Variants in VIT observed in about 807,000 individuals in gnomAD.
VIT encodes the protein vitrin.
VIT carries 99 observed loss-of-function variants against 78.0 expected under a neutral mutation model. That is an observed-to-expected ratio of 1.27 (90% confidence interval 1.08 to 1.50). The LOEUF is 1.50. VIT is among the 40% of genes most tolerant of loss of function. The probability of loss-of-function intolerance (pLI) is 0.00; values close to 1 mark genes in which losing one functional copy is unlikely to be tolerated. For missense variants in VIT, 1,126 were observed against 875.3 expected (o/e 1.29, Z -3.61); for synonymous variants, 374 against 334.3 (o/e 1.12, Z -1.29).
At chr2:36,708,116 C>T (rs980406193) in intron 1 of VIT, among the ~76,000 whole-genome samples, 4 of 150,554 alleles carry the variant, frequency 2.7e-5, no homozygotes, top group East Asian at 2.0e-4. Context: ...GACCTCCCCC[C>T]CCCGCCCACC....
chr2:36,808,991 C>T lies in VIT; in HGVS notation c.1903+6C>T, dbSNP rs1202296564. The T allele has an allele frequency of 6.4e-7, 1 of 1,566,864 alleles. No homozygotes were observed. The highest frequency in any genetic ancestry group is 8.7e-7 in the Non-Finnish European group (1 of 1,152,424). On this transcript the variant is annotated splice_donor_region_variant and intron_variant, in intron 15 of 15. Coordinates refer to ENST00000379242, the MANE Select transcript of VIT (RefSeq NM_053276.4). The stretch of plus-strand genomic sequence containing the variant: ...CATGGCTGCCCATCTGAAGGGTAAG[C>T]TGGGCTTGCCAAGCAGCCTGGTGCT...
At chr2:36,734,244 C>G (rs1667374437) in intron 3 of VIT, among the ~76,000 whole-genome samples, 1 of 152,218 alleles carries the variant, frequency 6.6e-6, no homozygotes, top group East Asian at 1.9e-4. Context: ...GAAATCATTT[C>G]AGGTAGGTTC....
chr2:36,763,583 C>CTT (rs70946947), intron 6 of VIT, among the ~76,000 whole-genome samples: 3 of 60,418 alleles, frequency 5.0e-5, no homozygotes, highest in African/African-American at 2.0e-4. Context: ...TCTATCTTCC[C>CTT]TTTTTTTTTT....
chr2:36,742,493 TATC>T (rs1203417778), intron 3 of VIT, among the ~76,000 whole-genome samples: 3 of 152,088 alleles, frequency 2.0e-5, no homozygotes, highest in Non-Finnish European at 4.4e-5. Flanking sequence ...CAAGACAAAA[TATC>T]ATGTTTTTGA....
chr2:36,771,550 GA>G (rs34430618), intron 7 of VIT, among the ~76,000 whole-genome samples: 5,170 of 131,956 alleles, frequency 0.039, 97 homozygotes, highest in Non-Finnish European at 0.058. Flanking sequence ...AAAAGAAAAA[GA>G]AAAAAAAAAA....
chr2:36,762,873 T>C (rs999287329), intron 6 of VIT, among the ~76,000 whole-genome samples: 11 of 152,042 alleles, frequency 7.2e-5, no homozygotes, highest in African/African-American at 2.7e-4. Flanking sequence ...AGAACAGGCG[T>C]TCCCTGAGGT....
intron 4 of VIT, among the ~76,000 whole-genome samples, chr2:36,750,520 G>A (rs1668392488): frequency 6.6e-6 from 1 of 152,144 alleles, no homozygotes; most frequent in South Asian, 2.1e-4. Flanking sequence ...CACCAAAGAT[G>A]ACATTAAAAT....
intron 11 of VIT, 146 bp downstream of exon 11, chr2:36,783,548 G>GA: frequency 1.3e-6 from 1 of 767,416 alleles, no homozygotes; most frequent in Non-Finnish European, 2.1e-6. Flanking sequence ...GTTCTAAGGG[G>GA]AAAGGGAAGC....
intron 7 of VIT, among the ~76,000 whole-genome samples, chr2:36,770,841 T>A (rs1280482307): frequency 6.6e-6 from 1 of 152,176 alleles, no homozygotes; most frequent in African/African-American, 2.4e-5. Context: ...TGAGCTAGCA[T>A]TGAACTTGTC....
intron 11 of VIT, among the ~76,000 whole-genome samples, chr2:36,785,343 C>T (rs1233968700): frequency 6.6e-6 from 1 of 152,024 alleles, no homozygotes; most frequent in Non-Finnish European, 1.5e-5. Context: ...TAGTAGGCGG[C>T]AAACCCTGAA....
At chr2:36,700,853 A>G (rs1351101383) in intron 1 of VIT, among the ~76,000 whole-genome samples, 2 of 152,100 alleles carry the variant, frequency 1.3e-5, no homozygotes, top group Non-Finnish European at 2.9e-5. Context: ...CAGCAAACAT[A>G]TGAGGTGGGC....
chr2:36,758,436 T>C (rs2072528), intron 5 of VIT, among the ~76,000 whole-genome samples: 93,909 of 152,060 alleles, frequency 0.62, 29,116 homozygotes, highest in African/African-American at 0.67. Context: ...ACCATTCCTC[T>C]TCCTTGCCTG....
rs1191160962 is a variant in VIT, at chr2:36,759,006, T to A, written c.447T>A (p.Ala149=). 1.2e-6 allele frequency: 2 copies of A among 1,613,994 alleles called. No homozygotes were observed. Among genetic ancestry groups the A allele is most frequent in the Non-Finnish European group, 1.7e-6 (2 of 1,180,034 alleles). Reference sequence around the variant, plus strand: ...AAAAGGGTGTAACCTACCCATCAGCTCTTACATACTCATCATCGAAAAGTC... The same window carrying A: ...AAAAGGGTGTAACCTACCCATCAGCACTTACATACTCATCATCGAAAAGTC... The part of the protein sequence containing the change: ...KPKKGVTYPS[A]LTYSSSKSPA... The change falls in exon 6 of 16, where the codon GCT becomes GCA. Residue 149 remains alanine, a synonymous_variant. Transcript: ENST00000379242.
chr2:36,811,666 C>CTTTT (rs1667180573), intron 15 of VIT, among the ~76,000 whole-genome samples: 1 of 149,982 alleles, frequency 6.7e-6, no homozygotes, highest in African/African-American at 2.5e-5. Context: ...TTTTTTCTTT[C>CTTTT]TTTCTTTTTT....
chr2:36,744,136 A>C (rs1489556914), intron 4 of VIT, among the ~76,000 whole-genome samples: 3 of 152,148 alleles, frequency 2.0e-5, no homozygotes, highest in Non-Finnish European at 4.4e-5. Flanking sequence ...AAAGGACAAA[A>C]TTTGCTCTTT....
chr2:36,795,193 C>A (rs1665785486), intron 12 of VIT, among the ~76,000 whole-genome samples: 1 of 152,030 alleles, frequency 6.6e-6, no homozygotes, highest in Admixed American at 6.6e-5. Context: ...TTTGCCTACT[C>A]CTTAAAGTTT....
At chr2:36,708,146 C>T (rs1665563180) in intron 1 of VIT, among the ~76,000 whole-genome samples, 1 of 150,016 alleles carries the variant, frequency 6.7e-6, no homozygotes, top group South Asian at 2.2e-4. Flanking sequence ...CTTCCTTTTC[C>T]CGTCCTCACC....
In VIT at chr2:36,729,995, G is replaced by A. The variant is rs552890073; in HGVS notation, c.118+504G>A. Among the ~76,000 whole-genome samples the A allele has an allele frequency of 1.9e-3, 286 of 152,276 alleles. 10 individuals carry two copies. The highest frequency in any genetic ancestry group is 0.018 in the Admixed American group (281 of 15,300). ...AGTGGTGTATCAGTTAAGATTAGAT[G>A]ACAGAAAATCTGGAATAAGGCCAGC... On this transcript the variant is annotated intron_variant, in intron 3 of 15. Transcript: ENST00000379242.
In VIT at chr2:36,801,605, C is replaced by G. The variant is rs529699589; in HGVS notation, c.1162+201C>G. Among the ~76,000 whole-genome samples, 9 of 152,206 alleles carry G rather than the reference C, an allele frequency of 5.9e-5. No individual in the cohort carries two copies. The South Asian group carries it at 1.9e-3, about 32-fold the overall frequency. ...AGCAGATCACTTGAGGTCAGGAATT[C>G]AAGATCAGCCTGGCCAGCATGGTTA... On this transcript the variant is annotated intron_variant, in intron 13 of 15. Transcript: ENST00000379242.
Sources: allele counts gnomAD v4.1 joint callset (sites outside exome capture counted in the v4.1 genomes callset), GRCh38; gene constraint gnomAD v4.1.1; transcripts MANE v1.5; gene names NCBI Gene and HGNC (gene_info 2026-07-23, HGNC 2026-07-21).